The following MYO10 variants were observed in gnomAD, a reference collection of about 807,000 sequenced individuals.
MYO10 encodes the protein unconventional myosin-X.
MYO10 carries 133 observed loss-of-function variants against 257.3 expected under a neutral mutation model. The observed-to-expected ratio is 0.52, with a 90% CI of 0.45 to 0.60. MYO10 has a LOEUF of 0.60. Among genes scored for constraint, MYO10 ranks in the 20% least tolerant of loss-of-function variants. MYO10 has a pLI of 0.00. For synonymous variants in MYO10, 1,104 were observed against 1,028.6 expected (o/e 1.07, Z -1.40); for missense variants, 2,399 against 2,635.7 (o/e 0.91, Z 1.97).
chr5:16,754,832 T>C lies in MYO10; in HGVS notation c.1925A>G (p.Gln642Arg). ...FFVRCIKPNM[Q>R]KMPDQFDQAV... is the part of the protein sequence containing the mutation. ...TAGGACTGTCATCAATCTTACCTTC[T>C]GCATGTTTGGCTTGATACAGCGAAC... The change falls in exon 19 of 41, where the codon CAG becomes CGG. Residue 642 changes from glutamine (Q) to arginine (R), a missense_variant. Physicochemically the swap from Gln to Arg is conservative, Grantham distance 43. Around this residue, in one of 3 missense-constraint regions of MYO10, gnomAD observed 1,820 missense variants for 1,939.4 expected, o/e 0.94. Transcript: ENST00000513610. 6.2e-7 allele frequency: 1 copy of C among 1,600,062 alleles called. No individual in the cohort carries two copies. The highest frequency in any genetic ancestry group is 8.5e-7 in the Non-Finnish European group (1 of 1,170,820).
intron 5 of MYO10, 104 bp downstream of exon 5, chr5:16,783,231 A>C (rs1013522394): frequency 2.8e-5 from 33 of 1,188,620 alleles, no homozygotes; most frequent in Admixed American, 2.1e-4. Context: ...AGAGAAGTCA[A>C]GAAAAAGAGA....
intron 19 of MYO10, among the ~76,000 whole-genome samples, chr5:16,753,761 A>C (rs1239821884): frequency 6.6e-6 from 1 of 150,546 alleles, no homozygotes; most frequent in Non-Finnish European, 1.5e-5. Flanking sequence ...GTGAGCCACC[A>C]TGCCCGGCTA....
intron 28 of MYO10, among the ~76,000 whole-genome samples, chr5:16,688,311 A>C (rs1375834107): frequency 6.6e-6 from 1 of 152,188 alleles, no homozygotes; most frequent in Non-Finnish European, 1.5e-5. Context: ...TAATGTTGCT[A>C]TCATGGTACT....
At chr5:16,736,083 C>CA (rs1436759731) in intron 19 of MYO10, among the ~76,000 whole-genome samples, 3 of 152,000 alleles carry the variant, frequency 2.0e-5, no homozygotes, top group Non-Finnish European at 2.9e-5. Flanking sequence ...GGACAAAGAA[C>CA]AAAAAAAGCC....
At chr5:16,824,182 TA>T (rs992158243) in intron 2 of MYO10, among the ~76,000 whole-genome samples, 1 of 152,034 alleles carries the variant, frequency 6.6e-6, no homozygotes. Context: ...GAAGGGAAAT[TA>T]AAATGAAAAA....
chr5:16,889,478 A>AGAAGGAAG (rs151266743), intron 1 of MYO10, among the ~76,000 whole-genome samples: 5,163 of 131,740 alleles, frequency 0.039, 157 homozygotes, highest in African/African-American at 0.054. Flanking sequence ...AAGAAAAGAA[A>AGAAGGAAG]GAAGGAAGGA....
chr5:16,730,584 G>A (rs1180325706), intron 19 of MYO10, among the ~76,000 whole-genome samples: 2 of 152,154 alleles, frequency 1.3e-5, no homozygotes, highest in African/African-American at 2.4e-5. Flanking sequence ...GGTCAACAGG[G>A]GCAGCATCAG....
intron 1 of MYO10, among the ~76,000 whole-genome samples, chr5:16,908,821 A>G (rs924691738): frequency 5.9e-5 from 9 of 152,256 alleles, no homozygotes; most frequent in Admixed American, 4.6e-4. Flanking sequence ...ATGCTACAAC[A>G]TAGATGAATC....
intron 1 of MYO10, among the ~76,000 whole-genome samples, chr5:16,903,177 C>A (rs891296637): frequency 2.0e-5 from 3 of 152,210 alleles, no homozygotes. Flanking sequence ...GAGGCCAAGG[C>A]GGGCGGATCA....
chr5:16,898,444 C>T lies in MYO10; in HGVS notation c.22-20737G>A, dbSNP rs539131336. 3.9e-3 allele frequency among the ~76,000 whole-genome samples: 567 copies of T among 144,132 alleles called. 2 individuals carry two copies. The highest frequency in any genetic ancestry group is 0.013 in the African/African-American group (525 of 39,060). 94.6% of individuals were successfully genotyped at this position (144,132 alleles called of 152,430 possible). A position where few individuals can be genotyped will look rare whatever the true frequency, so the allele number is the denominator to read the frequency against. On this transcript the variant is annotated intron_variant, in intron 1 of 40. Coordinates refer to ENST00000513610, the MANE Select transcript of MYO10 (RefSeq NM_012334.3). ...TTTTTTTTTTTGAGACAGAGTTTCA[C>T]TCTTATTGCCCAGGCTGGAGTGCAG...
chr5:16,926,695 C>G (rs1459973224), intron 1 of MYO10, among the ~76,000 whole-genome samples: 2 of 130,978 alleles, frequency 1.5e-5, no homozygotes, highest in Non-Finnish European at 3.3e-5. Flanking sequence ...GAGGAAGACT[C>G]TGTCCCAGCA....
chr5:16,907,096 AG>A (rs1482808042), intron 1 of MYO10, among the ~76,000 whole-genome samples: 2 of 152,308 alleles, frequency 1.3e-5, no homozygotes, highest in East Asian at 3.9e-4. Flanking sequence ...CCTGGGCGAC[AG>A]AATGAGACTC....
At chr5:16,848,555 T>C (rs978200312) in intron 2 of MYO10, among the ~76,000 whole-genome samples, 4 of 152,164 alleles carry the variant, frequency 2.6e-5, no homozygotes, top group Non-Finnish European at 5.9e-5. Context: ...CTTAATTTAA[T>C]CCACCCCCCA....
At chr5:16,667,487 G>T (rs1736228398) in intron 40 of MYO10, among the ~76,000 whole-genome samples, 1 of 152,114 alleles carries the variant, frequency 6.6e-6, no homozygotes, top group African/African-American at 2.4e-5. Context: ...GTTATGCCAT[G>T]CACAATCAAA....
intron 4 of MYO10, among the ~76,000 whole-genome samples, chr5:16,786,032 G>A (rs1414313519): frequency 6.6e-6 from 1 of 151,742 alleles, no homozygotes; most frequent in South Asian, 2.1e-4. Flanking sequence ...TCCACCTTCC[G>A]CTTGCCACCT....
intron 1 of MYO10, among the ~76,000 whole-genome samples, chr5:16,923,508 C>T (rs1332933179): frequency 6.6e-6 from 1 of 151,428 alleles, no homozygotes; most frequent in African/African-American, 2.4e-5. Context: ...AGGATGGTCT[C>T]GATCTCCTGA....
At chr5:16,693,454 C>T (rs879243275) in intron 27 of MYO10, among the ~76,000 whole-genome samples, 4 of 152,192 alleles carry the variant, frequency 2.6e-5, no homozygotes, top group African/African-American at 4.8e-5. Context: ...AATATTCTGC[C>T]GTCTGCAGAG....
intron 26 of MYO10, among the ~76,000 whole-genome samples, chr5:16,695,734 C>T (rs1187728442): frequency 6.6e-6 from 1 of 152,150 alleles, no homozygotes; most frequent in Non-Finnish European, 1.5e-5. Context: ...TTTTGACCAA[C>T]CAGTAATGAA....
At chr5:16,889,915 T>G (rs1387913180) in intron 1 of MYO10, among the ~76,000 whole-genome samples, 2 of 151,770 alleles carry the variant, frequency 1.3e-5, no homozygotes, top group Admixed American at 6.5e-5. Context: ...GGGAGAGAAA[T>G]GCCTACAAAT....
Sources: allele counts gnomAD v4.1 joint callset (sites outside exome capture counted in the v4.1 genomes callset), GRCh38; gene constraint gnomAD v4.1.1; regional missense constraint gnomAD v4.1.1; transcripts MANE v1.5; gene names NCBI Gene and HGNC (gene_info 2026-07-23, HGNC 2026-07-21).